Variants in ACTL6A observed in about 807,000 individuals in gnomAD.
ACTL6A encodes actin-like protein 6A.
ACTL6A carries 5 observed loss-of-function variants against 59.2 expected under a neutral mutation model. That is an observed-to-expected ratio of 0.08 (90% confidence interval 0.04 to 0.18). The LOEUF (loss-of-function observed/expected upper bound fraction) is 0.18. Among genes scored for constraint, ACTL6A ranks in the 10% least tolerant of loss-of-function variants. ACTL6A has a pLI of 1.00. For synonymous variants in ACTL6A, 154 were observed against 171.8 expected (o/e 0.90, Z 0.81); for missense variants, 285 against 526.9 (o/e 0.54, Z 4.49).
intron 8 of ACTL6A, among the ~76,000 whole-genome samples, chr3:179,579,596 T>A (rs1718274187): frequency 6.6e-6 from 1 of 152,068 alleles, no homozygotes; most frequent in African/African-American, 2.4e-5. Context: ...AAGACTATCC[T>A]GGCCAACATG....
At chr3:179,585,381 C>T (rs775223421) in intron 12 of ACTL6A, among the ~76,000 whole-genome samples, 1 of 152,124 alleles carries the variant, frequency 6.6e-6, no homozygotes, top group East Asian at 1.9e-4. Flanking sequence ...GGATTATAGG[C>T]GTGAGCCACT....
chr3:179,587,109 CT>C (rs1718519405), intron 13 of ACTL6A, among the ~76,000 whole-genome samples: 1 of 152,048 alleles, frequency 6.6e-6, no homozygotes, highest in Non-Finnish European at 1.5e-5. Flanking sequence ...ACAAAAAGTC[CT>C]TGTACTTTTC....
chr3:179,582,539 A>G (rs1718367679), intron 11 of ACTL6A, among the ~76,000 whole-genome samples: 1 of 152,240 alleles, frequency 6.6e-6, no homozygotes, highest in African/African-American at 2.4e-5. Flanking sequence ...GGCGAGGAAT[A>G]TGTTCAGAGT....
intron 6 of ACTL6A, 112 bp downstream of exon 6, chr3:179,576,423 ATTTT>A (rs1261660467): frequency 1.2e-5 from 11 of 929,174 alleles, no homozygotes; most frequent in African/African-American, 1.7e-5. Context: ...TCTGAATAAG[ATTTT>A]TTTTAAGTAT....
intron 8 of ACTL6A, among the ~76,000 whole-genome samples, chr3:179,580,214 A>G (rs1718295810): frequency 6.6e-6 from 1 of 152,240 alleles, no homozygotes; most frequent in Non-Finnish European, 1.5e-5. Flanking sequence ...ACATTTTATT[A>G]AACTGTTTTA....
chr3:179,576,574 A>C (rs1718172508), intron 6 of ACTL6A, 46 bp from the exon 7 acceptor site: 1 of 1,451,928 alleles, frequency 6.9e-7, no homozygotes, highest in African/African-American at 1.4e-5. Context: ...CGTTCAAGGA[A>C]GTTTGGACTT....
At chr3:179,585,706 A>G (rs2108372053) in intron 12 of ACTL6A, among the ~76,000 whole-genome samples, 1 of 152,316 alleles carries the variant, frequency 6.6e-6, no homozygotes, top group South Asian at 2.1e-4. Flanking sequence ...ATAGAATAAT[A>G]GGAAGATGTC....
chr3:179,585,412 T>C (rs1281848987), intron 12 of ACTL6A, among the ~76,000 whole-genome samples: 1 of 152,206 alleles, frequency 6.6e-6, no homozygotes, highest in Non-Finnish European at 1.5e-5. Flanking sequence ...ATAATACTAA[T>C]GATTAGATTT....
intron 6 of ACTL6A, 140 bp from the exon 7 acceptor site, chr3:179,576,480 A>T: frequency 1.2e-6 from 1 of 802,856 alleles, no homozygotes; most frequent in South Asian, 1.8e-5. Context: ...AAACTGATGC[A>T]TGGCTTTATT....
intron 12 of ACTL6A, among the ~76,000 whole-genome samples, chr3:179,585,718 A>G (rs1330909670): frequency 2.0e-5 from 3 of 152,212 alleles, no homozygotes; most frequent in African/African-American, 7.2e-5. Context: ...GAAGATGTCA[A>G]CAACTTGAGA....
At chr3:179,573,030 A>G (rs1288062628) in intron 3 of ACTL6A, among the ~76,000 whole-genome samples, 2 of 148,854 alleles carry the variant, frequency 1.3e-5, no homozygotes, top group Non-Finnish European at 3.0e-5. Context: ...TCAGAAGGCC[A>G]TACAATTCTT....
chr3:179,586,333 G>T (rs1718486921), intron 12 of ACTL6A, among the ~76,000 whole-genome samples: 1 of 150,584 alleles, frequency 6.6e-6, no homozygotes, highest in Admixed American at 6.7e-5. Context: ...TGTCAAAATT[G>T]AATTTCCTGG....
At chr3:179,564,256 T>G (rs189109156) in intron 1 of ACTL6A, among the ~76,000 whole-genome samples, 3 of 152,240 alleles carry the variant, frequency 2.0e-5, no homozygotes, top group Non-Finnish European at 4.4e-5. Flanking sequence ...CTGTTGTTAC[T>G]GTGTCTAGTA....
chr3:179,576,396 A>G, intron 6 of ACTL6A, 85 bp downstream of exon 6: 1 of 1,042,416 alleles, frequency 9.6e-7, no homozygotes, highest in Non-Finnish European at 1.4e-6. Context: ...GAGTAGCACT[A>G]TTAAAGCATA....
At chr3:179,576,579 G>A (rs1175122221) in intron 6 of ACTL6A, 41 bp from the exon 7 acceptor site, 8 of 1,492,806 alleles carry the variant, frequency 5.4e-6, no homozygotes, top group African/African-American at 4.2e-5. Context: ...AAGGAAGTTT[G>A]GACTTACTGC....
chr3:179,572,697 C>T (rs931389089), intron 3 of ACTL6A, among the ~76,000 whole-genome samples: 13 of 152,046 alleles, frequency 8.6e-5, no homozygotes, highest in South Asian at 6.2e-4. Context: ...CCCAGCTACT[C>T]GGGAGCCTGA....
At position 179,576,235 on chromosome 3, in the gene ACTL6A, T is replaced by C. The variant is rs1183352330; in HGVS notation, c.495T>C (p.Ser165=). ...AVLTAFANGR[S]TGLILDSGAT... ...AAACTAGATTTGCTAATGGTCGTTC[T>C]ACTGGGCTGATTTTGGACAGTGGAG... Residue 165 remains serine (S), a synonymous_variant, in exon 6 of 14, where the codon TCT becomes TCC. Coordinates refer to ENST00000429709, the MANE Select transcript of ACTL6A (RefSeq NM_004301.5). The C allele has an allele frequency of 1.2e-6, 2 of 1,613,868 alleles. No individual in the cohort carries two copies. The highest frequency in any genetic ancestry group is 1.7e-5 in the Admixed American group (1 of 59,976).
intron 4 of ACTL6A, among the ~76,000 whole-genome samples, chr3:179,573,905 A>C (rs985795839): frequency 6.6e-6 from 1 of 152,244 alleles, no homozygotes; most frequent in African/African-American, 2.4e-5. Flanking sequence ...CATTTGGTAC[A>C]TAGACAAAAA....
chr3:179,580,770 A>T, intron 9 of ACTL6A, 69 bp downstream of exon 9: 1 of 1,394,364 alleles, frequency 7.2e-7, no homozygotes, highest in Non-Finnish European at 9.9e-7. Flanking sequence ...TACTTAATTG[A>T]ATAATGTTTA....
Sources: gnomAD v4.1 joint callset for allele counts (sites outside exome capture counted in the v4.1 genomes callset) on GRCh38, gnomAD v4.1.1 for gene constraint, MANE v1.5 for transcripts, NCBI Gene and HGNC (gene_info 2026-07-23, HGNC 2026-07-21) for gene names.